ADAMTSL1: variants seen among roughly 807,000 people sequenced by gnomAD.
ADAMTSL1 encodes ADAMTS like 1.
Under a neutral mutation model 201.8 loss-of-function variants are expected in ADAMTSL1, and 126 were observed. The observed-to-expected ratio is 0.62, with a 90% CI of 0.54 to 0.72. ADAMTSL1 has a LOEUF of 0.72. Among genes scored for constraint, ADAMTSL1 ranks in the 30% least tolerant of loss-of-function variants. The pLI, the probability that ADAMTSL1 is intolerant of heterozygous loss-of-function variation, is 0.00. For synonymous variants in ADAMTSL1, 1,121 were observed against 903.4 expected, an observed-to-expected ratio of 1.24 and a Z score of -4.32; for missense variants, 2,679 against 2,277.8, an observed-to-expected ratio of 1.18 and a Z score of -3.59.
intron 7 of ADAMTSL1, among the ~76,000 whole-genome samples, chr9:18,646,111 T>A (rs1166152766): frequency 5.9e-5 from 9 of 151,830 alleles, no homozygotes; most frequent in African/African-American, 2.4e-5. Flanking sequence ...TCACATCCCT[T>A]GTAAGTTGGA....
intron 3 of ADAMTSL1, among the ~76,000 whole-genome samples, chr9:18,554,121 GAAAATTTAT>G (rs1343064584): frequency 6.7e-6 from 1 of 149,878 alleles, no homozygotes; most frequent in Non-Finnish European, 1.5e-5. Flanking sequence ...TATTCGACCT[GAAAATTTAT>G]AAAAACATTT....
intron 23 of ADAMTSL1, among the ~76,000 whole-genome samples, chr9:18,865,536 A>G (rs1275999602): frequency 1.3e-5 from 2 of 152,214 alleles, no homozygotes; most frequent in African/African-American, 2.4e-5. Flanking sequence ...GGGCAACTTC[A>G]TGTATAATTT....
chr9:18,029,315 A>G (rs530103535), intron 1 of ADAMTSL1, among the ~76,000 whole-genome samples: 2 of 152,284 alleles, frequency 1.3e-5, no homozygotes, highest in Non-Finnish European at 2.9e-5. Context: ...CCTATTTAAT[A>G]AATGGTGCTG....
chr9:18,903,563 A>G (rs1830126257), intron 26 of ADAMTSL1, among the ~76,000 whole-genome samples: 2 of 152,184 alleles, frequency 1.3e-5, no homozygotes, highest in South Asian at 4.1e-4. Flanking sequence ...CCAGTGCAAA[A>G]TGAAAATGTG....
intron 8 of ADAMTSL1, among the ~76,000 whole-genome samples, chr9:18,657,972 TC>T (rs1241313100): frequency 2.0e-5 from 2 of 99,934 alleles, no homozygotes; most frequent in Admixed American, 2.8e-4. Flanking sequence ...GAGGAAACAG[TC>T]TTTTTTTTTT....
intron 2 of ADAMTSL1, among the ~76,000 whole-genome samples, chr9:18,381,796 C>G (rs1837569247): frequency 6.6e-6 from 1 of 151,628 alleles, no homozygotes; most frequent in African/African-American, 2.4e-5. Flanking sequence ...GGGGATTAGA[C>G]TTTGATTCCC....
intron 2 of ADAMTSL1, among the ~76,000 whole-genome samples, chr9:18,520,204 C>G (rs750768226): frequency 2.6e-5 from 4 of 152,176 alleles, no homozygotes; most frequent in Non-Finnish European, 4.4e-5. Context: ...GCTCAAAAAT[C>G]TGTAAAAGTG....
upstream of ADAMTSL1, chr9:18,473,916 C>T: frequency 2.7e-6 from 1 of 373,466 alleles, no homozygotes; most frequent in South Asian, 6.2e-5. Flanking sequence ...CTCTGCTGCT[C>T]GCTCGCCTTT....
intron 2 of ADAMTSL1, among the ~76,000 whole-genome samples, chr9:18,277,348 C>T (rs1832625096): frequency 6.6e-6 from 1 of 152,062 alleles, no homozygotes; most frequent in Non-Finnish European, 1.5e-5. Flanking sequence ...ATGTTAAAGT[C>T]CCCTATTAAT....
intron 2 of ADAMTSL1, among the ~76,000 whole-genome samples, chr9:18,527,081 C>G (rs1418883954): frequency 6.6e-6 from 1 of 152,048 alleles, no homozygotes; most frequent in Non-Finnish European, 1.5e-5. Flanking sequence ...ATGATAGTGC[C>G]ACTGCACTCC....
intron 3 of ADAMTSL1, among the ~76,000 whole-genome samples, chr9:18,554,525 G>A (rs1820990967): frequency 6.6e-6 from 1 of 151,756 alleles, no homozygotes; most frequent in Non-Finnish European, 1.5e-5. Flanking sequence ...ATTCCCAAAT[G>A]TCCGCACTAA....
At chr9:18,347,203 A>G (rs1835767433) in intron 2 of ADAMTSL1, among the ~76,000 whole-genome samples, 1 of 152,168 alleles carries the variant, frequency 6.6e-6, no homozygotes, top group Admixed American at 6.6e-5. Context: ...TCCTCTTCCA[A>G]TAATTTACAG....
intron 15 of ADAMTSL1, among the ~76,000 whole-genome samples, chr9:18,731,996 G>A (rs916282779): frequency 2.0e-5 from 3 of 152,074 alleles, no homozygotes; most frequent in Non-Finnish European, 2.9e-5. Context: ...AGCTGGCCAC[G>A]TTACCTCTCT....
In ADAMTSL1 at chr9:18,290,281, A is replaced by T. The variant is rs909295936; in HGVS notation, c.207+126300A>T. ...GAAAGCCGCTATGCCAGGGGATTAG[A>T]TTTTTTTTTTTTTCTAGTGCTGCAG... On this transcript the variant is annotated intron_variant, in intron 2 of 29. Coordinates refer to the ADAMTSL1 transcript ENST00000680146. Among the ~76,000 whole-genome samples, 366 of 147,900 alleles carry T rather than the reference A, an allele frequency of 2.5e-3. 2 individuals are homozygous for T. The highest frequency in any genetic ancestry group is 8.6e-3 in the African/African-American group (346 of 40,102).
At chr9:18,531,879 A>C (rs1454013327) in intron 2 of ADAMTSL1, among the ~76,000 whole-genome samples, 1 of 152,182 alleles carries the variant, frequency 6.6e-6, no homozygotes, top group South Asian at 2.1e-4. Flanking sequence ...CCTGGTTTCA[A>C]ATTTTAGCTC....
chr9:18,254,653 G>A (rs548467919), intron 2 of ADAMTSL1, among the ~76,000 whole-genome samples: 65 of 144,928 alleles, frequency 4.5e-4, no homozygotes, highest in African/African-American at 1.3e-3. Context: ...GTGAGCCACC[G>A]CGCCTGCCCC....
chr9:18,133,875 C>G (rs748195719), intron 1 of ADAMTSL1, among the ~76,000 whole-genome samples: 1 of 152,090 alleles, frequency 6.6e-6, no homozygotes, highest in Non-Finnish European at 1.5e-5. Flanking sequence ...GAAAACACAG[C>G]CTTAACCATG....
intron 2 of ADAMTSL1, among the ~76,000 whole-genome samples, chr9:18,273,647 G>T (rs887714240): frequency 3.3e-5 from 5 of 152,132 alleles, no homozygotes; most frequent in African/African-American, 1.2e-4. Flanking sequence ...AGAGTGTCAA[G>T]TGTGGTACCA....
At chr9:18,466,347 GTTATC>G (rs1035500479) in intron 2 of ADAMTSL1, among the ~76,000 whole-genome samples, 2 of 152,010 alleles carry the variant, frequency 1.3e-5, no homozygotes, top group African/African-American at 4.8e-5. Flanking sequence ...TCTCCATGCT[GTTATC>G]TTATATTTTA....
Sources: gnomAD v4.1 joint callset for allele counts (sites outside exome capture counted in the v4.1 genomes callset) on GRCh38, gnomAD v4.1.1 for gene constraint, MANE v1.5 for transcripts, NCBI Gene and HGNC (gene_info 2026-07-23, HGNC 2026-07-21) for gene names.